Variants in MICAL2 observed in about 807,000 individuals in gnomAD.
The protein encoded by MICAL2 is [F-actin]-monooxygenase MICAL2.
Under a neutral mutation model 127.3 loss-of-function variants are expected in MICAL2, and 77 were observed. That is an observed-to-expected ratio of 0.60 (90% CI 0.50 to 0.73). MICAL2 has a LOEUF of 0.73. MICAL2 is among the 30% of genes least tolerant of loss of function. The pLI is 0.00. For missense variants in MICAL2, 1,351 were observed against 1,434.4 expected, an observed-to-expected ratio of 0.94 and a Z score of 0.94; for synonymous variants, 570 against 551.1, an observed-to-expected ratio of 1.03 and a Z score of -0.48.
At chr11:12,324,092 G>T in intron 31 of MICAL2, 1 of 1,601,980 alleles carries the variant, frequency 6.2e-7, no homozygotes, top group South Asian at 1.1e-5. Context: ...AACTGGACAT[G>T]AGTGAGTGGG....
chr11:12,314,279 C>A (rs1329265226), intron 29 of MICAL2, among the ~76,000 whole-genome samples: 1 of 151,632 alleles, frequency 6.6e-6, no homozygotes, highest in African/African-American at 2.4e-5. Flanking sequence ...TTTAATTAAT[C>A]CGGAATTTAA....
chr11:12,230,722 C>CG (rs1554991844), intron 15 of MICAL2, among the ~76,000 whole-genome samples: 2 of 151,628 alleles, frequency 1.3e-5, no homozygotes, highest in Admixed American at 6.6e-5. Flanking sequence ...TTTCCCCCCC[C>CG]ATCTTATTTT....
At chr11:12,358,005 T>C (rs756445883) in intron 34 of MICAL2, among the ~76,000 whole-genome samples, 1 of 152,068 alleles carries the variant, frequency 6.6e-6, no homozygotes, top group African/African-American at 2.4e-5. Flanking sequence ...AGAGGGAAGG[T>C]TGGGGGATTT....
At chr11:12,297,943 T>C (rs1864005802) in intron 29 of MICAL2, among the ~76,000 whole-genome samples, 1 of 151,820 alleles carries the variant, frequency 6.6e-6, no homozygotes, top group Non-Finnish European at 1.5e-5. Flanking sequence ...TTTAGGTATT[T>C]TACTATCTGA....
chr11:12,345,224 A>G (rs1042413523), intron 32 of MICAL2, among the ~76,000 whole-genome samples: 8 of 152,214 alleles, frequency 5.3e-5, no homozygotes, highest in African/African-American at 1.9e-4. Flanking sequence ...GTGAAAAACA[A>G]ATGTCATTTC....
chr11:12,203,489 T>C (rs773344873), intron 3 of MICAL2, among the ~76,000 whole-genome samples: 1 of 152,216 alleles, frequency 6.6e-6, no homozygotes, highest in Non-Finnish European at 1.5e-5. Flanking sequence ...GTGGCTTTAA[T>C]TTGTGTTTCC....
chr11:12,226,934 T>G, intron 14 of MICAL2, 91 bp from the exon 15 acceptor site: 1 of 989,434 alleles, frequency 1.0e-6, no homozygotes, highest in Non-Finnish European at 1.6e-6. Flanking sequence ...ATTACAGGCG[T>G]GAGCCACCAC....
chr11:12,308,875 C>T (rs952444061), intron 29 of MICAL2, among the ~76,000 whole-genome samples: 3 of 152,098 alleles, frequency 2.0e-5, no homozygotes, highest in African/African-American at 7.2e-5. Flanking sequence ...TTTGTCAGTC[C>T]TTTATTAGAT....
chr11:12,295,314 A>G (rs779860745), downstream of MICAL2, among the ~76,000 whole-genome samples: 9 of 151,290 alleles, frequency 5.9e-5, no homozygotes, highest in Non-Finnish European at 1.2e-4. Flanking sequence ...TAATTTTTGT[A>G]TTTTTAGTAG....
rs1047990058 is a variant in MICAL2 at position 12,236,133 on chromosome 11, C to T, written c.1996-44C>T. 6 of 1,570,236 alleles carry T rather than the reference C, an allele frequency of 3.8e-6. No individual in the cohort carries two copies. In the East Asian group the frequency reaches 1.1e-4, roughly 29 times the overall value. On this transcript the variant is annotated intron_variant, in intron 15 of 27. Transcript: ENST00000683283. ...CAGGGATCTTAGTGGGACTGAAGCC[C>T]TTGGTGGCCCCCAGAGCTCACCCTG...
At chr11:12,338,436 C>T (rs1053350993) in intron 32 of MICAL2, among the ~76,000 whole-genome samples, 31 of 152,158 alleles carry the variant, frequency 2.0e-4, no homozygotes, top group South Asian at 6.2e-4. Flanking sequence ...TTTTAATTGG[C>T]GCATTTAGCC....
chr11:12,224,497 C>T, intron 12 of MICAL2, 176 bp from the exon 13 acceptor site: 1 of 691,860 alleles, frequency 1.4e-6, no homozygotes, highest in Non-Finnish European at 2.4e-6. Context: ...CCTGACCAGG[C>T]CCCCAAGCAG....
intron 32 of MICAL2, chr11:12,349,694 T>A: frequency 1.5e-6 from 1 of 666,334 alleles, no homozygotes; most frequent in African/African-American, 1.8e-5. Flanking sequence ...ACCCATAACC[T>A]GGAGGCACCT....
chr11:12,286,723 A>C (rs1486628739), intron 2 of MICAL2, among the ~76,000 whole-genome samples: 1 of 151,984 alleles, frequency 6.6e-6, no homozygotes. Flanking sequence ...AAAAATTAAA[A>C]AATTATCTGC....
chr11:12,294,836 C>T (rs750090371), downstream of MICAL2: 8 of 1,486,752 alleles, frequency 5.4e-6, no homozygotes, highest in South Asian at 1.3e-5. Context: ...TCCTCCTCCT[C>T]CTCCTACAGC....
chr11:12,354,911 A>G, intron 34 of MICAL2: 1 of 1,535,162 alleles, frequency 6.5e-7, no homozygotes, highest in Non-Finnish European at 9.0e-7. Context: ...GCTCCTGAGC[A>G]GCGTGTGCCA....
intron 1 of MICAL2, among the ~76,000 whole-genome samples, chr11:12,280,293 C>T (rs375168962): frequency 2.2e-4 from 34 of 152,158 alleles, no homozygotes; most frequent in African/African-American, 8.2e-4. Flanking sequence ...AGTCATGCTC[C>T]GGGGCAGGTG....
chr11:12,289,907 C>T (rs1863875586), downstream of MICAL2, among the ~76,000 whole-genome samples: 1 of 152,196 alleles, frequency 6.6e-6, no homozygotes, highest in Admixed American at 6.5e-5. Flanking sequence ...ATCTGCTCAA[C>T]CACCCCATGA....
rs1247083471 is a variant in MICAL2, at chr11:12,257,140, G to A, written c.3142+169G>A. 9.8e-6 allele frequency: 7 copies of A among 717,012 alleles called. No homozygotes were observed. In the East Asian group the frequency reaches 1.2e-4, roughly 12 times the overall value. The allele number at this position is 717,012 out of a possible 1,614,324, so 44.4% of individuals were successfully genotyped here. Reference sequence around the variant, plus strand: ...GAGACTGGGAGCTCCTGCTAGAAGGGGAGGCTGCCTGTGGTCCCAGGGAAG... The same window carrying A: ...GAGACTGGGAGCTCCTGCTAGAAGGAGAGGCTGCCTGTGGTCCCAGGGAAG... On this transcript the variant is annotated intron_variant, in intron 24 of 27. Transcript: ENST00000683283.
Sources: allele counts gnomAD v4.1 joint callset (sites outside exome capture counted in the v4.1 genomes callset), GRCh38; gene constraint gnomAD v4.1.1; transcripts MANE v1.5; gene names NCBI Gene and HGNC (gene_info 2026-07-23, HGNC 2026-07-21).